GLIS3: variants seen among roughly 807,000 people sequenced by gnomAD.
The protein encoded by GLIS3 is zinc finger protein GLIS3.
Under a neutral mutation model 78.6 loss-of-function variants are expected in GLIS3, and 53 were observed. That is an observed-to-expected ratio of 0.67 (90% confidence interval 0.54 to 0.85). The LOEUF (loss-of-function observed/expected upper bound fraction) is 0.85. GLIS3 is among the 40% of genes least tolerant of loss of function. The probability of loss-of-function intolerance (pLI) is 0.00; values close to 1 mark genes in which losing one functional copy is unlikely to be tolerated. For missense variants in GLIS3, 1,703 were observed against 1,231.1 expected, an observed-to-expected ratio of 1.38 and a Z score of -5.74; for synonymous variants, 684 against 509.9, an observed-to-expected ratio of 1.34 and a Z score of -4.60.
Position 4,034,751 on chromosome 9 carries a change from C to T in GLIS3, c.1710+83017G>A, listed in dbSNP as rs139494389. The stretch of plus-strand genomic sequence containing the variant: ...AGGAGCCCTTTAACCTCAACCTGAG[C>T]ACTTCTTGGGGGAAGAGTTCAACAG... On this transcript the variant is annotated intron_variant, in intron 4 of 10. Coordinates refer to ENST00000381971, the MANE Select transcript of GLIS3 (RefSeq NM_001042413.2). 6.6e-4 allele frequency: 100 copies of T among 152,314 alleles called. 1 individual carries two copies. Among genetic ancestry groups the T allele is most frequent in the African/African-American group, 2.4e-3 (99 of 41,548 alleles). The allele number at this position is 152,314 out of a possible 1,614,324, so 9.4% of individuals were successfully genotyped here. A position where few individuals can be genotyped will look rare whatever the true frequency, so the allele number is the denominator to read the frequency against.
intron 4 of GLIS3, among the ~76,000 whole-genome samples, chr9:4,024,484 T>G (rs1195474901): frequency 6.6e-6 from 1 of 152,196 alleles, no homozygotes; most frequent in African/African-American, 2.4e-5. Flanking sequence ...GGCTGCTCCA[T>G]GTGGCCACTG....
At chr9:4,371,398 C>A in the GLIS3 span, among the ~76,000 whole-genome samples, 2 of 152,226 alleles carry the variant, frequency 1.3e-5, no homozygotes, top group Non-Finnish European at 2.9e-5. Context: ...GCCCCAGGCT[C>A]CTCCTCCCCA....
At chr9:3,847,070 G>C (rs1460132714) in intron 9 of GLIS3, among the ~76,000 whole-genome samples, 2 of 152,156 alleles carry the variant, frequency 1.3e-5, no homozygotes, top group African/African-American at 2.4e-5. Context: ...TGTAATCTCA[G>C]GTACTCGGGA....
intron 2 of GLIS3, among the ~76,000 whole-genome samples, chr9:4,325,558 A>C: frequency 6.6e-6 from 1 of 152,302 alleles, no homozygotes; most frequent in Non-Finnish European, 1.5e-5. Context: ...CCTTTCCTGC[A>C]AAATATCCAC....
At chr9:4,168,198 C>T (rs772985898) in intron 2 of GLIS3, among the ~76,000 whole-genome samples, 5 of 151,086 alleles carry the variant, frequency 3.3e-5, no homozygotes, top group Non-Finnish European at 7.4e-5. Context: ...CACACAGACG[C>T]ACACACACAC....
intron 4 of GLIS3, among the ~76,000 whole-genome samples, chr9:4,001,657 C>G (rs949018986): frequency 6.6e-6 from 1 of 152,158 alleles, no homozygotes; most frequent in Non-Finnish European, 1.5e-5. Context: ...TTTTTAATTT[C>G]TAAGTAGCTT....
chr9:4,043,665 A>G (rs1825015658), intron 4 of GLIS3, among the ~76,000 whole-genome samples: 1 of 152,192 alleles, frequency 6.6e-6, no homozygotes, highest in Admixed American at 6.5e-5. Flanking sequence ...TCTTCTCTAC[A>G]AGTCCCAACA....
intron 2 of GLIS3, among the ~76,000 whole-genome samples, chr9:4,143,247 G>C (rs185494364): frequency 1.2e-4 from 18 of 152,082 alleles, no homozygotes; most frequent in African/African-American, 3.4e-4. Context: ...GTATTTGTGT[G>C]TGTGTGTGTG....
At chr9:4,057,722 T>C (rs1043018237) in intron 4 of GLIS3, among the ~76,000 whole-genome samples, 2 of 151,856 alleles carry the variant, frequency 1.3e-5, no homozygotes, top group South Asian at 4.2e-4. Flanking sequence ...AAAAAAATAG[T>C]TTACTCAACT....
chr9:4,407,063 C>G, the GLIS3 span, among the ~76,000 whole-genome samples: 1 of 152,180 alleles, frequency 6.6e-6, no homozygotes, highest in African/African-American at 2.4e-5. Flanking sequence ...GCTTCTGTAA[C>G]TAAAACAGCA....
At chr9:4,178,006 C>G (rs1055543728) in intron 2 of GLIS3, among the ~76,000 whole-genome samples, 3 of 152,200 alleles carry the variant, frequency 2.0e-5, no homozygotes, top group African/African-American at 4.8e-5. Flanking sequence ...TTGATTATCA[C>G]TACCTTTGGG....
chr9:4,084,162 G>C (rs1234428546), intron 4 of GLIS3, among the ~76,000 whole-genome samples: 9 of 151,804 alleles, frequency 5.9e-5, no homozygotes, highest in Admixed American at 5.9e-4. Flanking sequence ...AACTCCTTTG[G>C]GAGGGGAGAA....
intron 4 of GLIS3, among the ~76,000 whole-genome samples, chr9:4,033,864 TA>T (rs34745570): frequency 0.044 from 2,980 of 67,884 alleles, 130 homozygotes; most frequent in African/African-American, 0.16. Context: ...AGGCGAAGGA[TA>T]AAAAAAAAAA....
chr9:3,963,973 G>C (rs1817748944), intron 4 of GLIS3, among the ~76,000 whole-genome samples: 1 of 151,962 alleles, frequency 6.6e-6, no homozygotes, highest in Admixed American at 6.6e-5. Context: ...ATCTGTGATG[G>C]TGCACGCACT....
At chr9:4,119,101 A>G (rs1475611811) in intron 3 of GLIS3, among the ~76,000 whole-genome samples, 1 of 152,206 alleles carries the variant, frequency 6.6e-6, no homozygotes, top group East Asian at 1.9e-4. Flanking sequence ...CCTAATGCTC[A>G]CTGAAATAAT....
the GLIS3 span, among the ~76,000 whole-genome samples, chr9:4,438,862 C>T: frequency 6.6e-6 from 1 of 152,162 alleles, no homozygotes; most frequent in Non-Finnish European, 1.5e-5. Context: ...GTCTATTAAA[C>T]CTCTTTCCTT....
intron 4 of GLIS3, among the ~76,000 whole-genome samples, chr9:4,020,027 AG>A: frequency 6.6e-6 from 1 of 152,310 alleles, no homozygotes; most frequent in African/African-American, 2.4e-5. Flanking sequence ...CTGGGATTAC[AG>A]GCATGAGCCA....
At chr9:3,987,789 C>T (rs200973868) in intron 4 of GLIS3, among the ~76,000 whole-genome samples, 3 of 52,376 alleles carry the variant, frequency 5.7e-5, no homozygotes, top group East Asian at 1.1e-3. Context: ...AAAAAAAAAA[C>T]AAAACACAAA....
chr9:4,307,966 G>A (rs529069319), intron 4 of GLIS3, among the ~76,000 whole-genome samples: 1 of 152,284 alleles, frequency 6.6e-6, no homozygotes, highest in African/African-American at 2.4e-5. Context: ...ACTTGTGACA[G>A]CAGCAACAGA....
Sources: allele counts gnomAD v4.1 joint callset (sites outside exome capture counted in the v4.1 genomes callset), GRCh38; gene constraint gnomAD v4.1.1; transcripts MANE v1.5; gene names NCBI Gene and HGNC (gene_info 2026-07-23, HGNC 2026-07-21).